PCNT: variants seen among roughly 807,000 people sequenced by gnomAD.
PCNT encodes pericentrin, also known as kendrin.
In PCNT, 319 loss-of-function variants were observed where a neutral mutation model predicts 380.4. The ratio of observed to expected loss-of-function variants is 0.84; its 90% CI spans 0.77 to 0.92. PCNT has a LOEUF of 0.92. PCNT is among the 40% of genes least tolerant of loss of function. The pLI is 0.00. For synonymous variants in PCNT, 1,845 were observed against 1,735.2 expected (o/e 1.06, Z -1.57); for missense variants, 4,400 against 4,255.3 (o/e 1.03, Z -0.95).
At chr21:46,333,477 T>C (rs62224209) in intron 2 of PCNT, among the ~76,000 whole-genome samples, 14 of 149,528 alleles carry the variant, frequency 9.4e-5, no homozygotes, top group Non-Finnish European at 1.9e-4. Flanking sequence ...CGTGGTGGCA[T>C]GCGCCTGTAG....
At chr21:46,378,640 C>T (rs368419196) in intron 15 of PCNT, among the ~76,000 whole-genome samples, 1 of 152,110 alleles carries the variant, frequency 6.6e-6, no homozygotes, top group Non-Finnish European at 1.5e-5. Context: ...ATTTTTCATA[C>T]GATATTTTCA....
chr21:46,400,085 T>C (rs556583350), intron 25 of PCNT, among the ~76,000 whole-genome samples: 2 of 152,368 alleles, frequency 1.3e-5, no homozygotes, highest in East Asian at 3.9e-4. Context: ...AAGTAAACAT[T>C]TAAGATTTTA....
In PCNT at chr21:46,389,334, G is replaced by A. The variant is rs2085953349; in HGVS notation, c.3743G>A (p.Ser1248Asn). Reference protein sequence around the residue: ...MRESFLMSPESVRECEQPIRR... With the variant: ...MRESFLMSPENVRECEQPIRR... ...GAAAGCTTTCTCATGAGCCCAGAAA[G>A]TGTGCGGGAGTGTGAGCAGCCCATC... The change falls in exon 19 of 47, where the codon AGT becomes AAT. Residue 1248 changes from serine (S) to asparagine (N), a missense_variant. Transcript: ENST00000359568. 1.2e-6 allele frequency: 2 copies of A among 1,614,144 alleles called. No individual in the cohort carries two copies. The highest frequency in any genetic ancestry group is 8.5e-7 in the Non-Finnish European group (1 of 1,180,052).
Position 46,353,990 on chromosome 21 carries a change from G to T in PCNT, c.1683G>T (p.Leu561Phe), listed in dbSNP as rs1293045625. 1.9e-6 allele frequency: 3 copies of T among 1,613,406 alleles called. No individual in the cohort carries two copies. The highest frequency in any genetic ancestry group is 1.1e-5 in the South Asian group (1 of 91,070). Residue 561 changes from leucine to phenylalanine, a missense_variant, in exon 11 of 47, where the codon TTG becomes TTT. Coordinates refer to ENST00000359568, the MANE Select transcript of PCNT (RefSeq NM_006031.6). ...DALLDSVEVG[L>F]SCVGLEEKPE... is the part of the protein sequence containing the mutation. The stretch of plus-strand genomic sequence containing the variant: ...TTATAAAATGTTTTCCCTTCAGGTT[G>T]TCCTGTGTGGGTTTAGAAGAGAAAC...
intron 15 of PCNT, among the ~76,000 whole-genome samples, chr21:46,368,575 C>T (rs1336572316): frequency 2.0e-5 from 3 of 152,260 alleles, no homozygotes; most frequent in African/African-American, 7.2e-5. Context: ...GTGCCTGTGA[C>T]TCAGGAAAGG....
At position 46,416,113 on chromosome 21, in the gene PCNT, T is replaced by G. The variant is rs148389745; in HGVS notation, c.6195T>G (p.Asp2065Glu). The G allele has an allele frequency of 3.3e-4, 537 of 1,614,158 alleles. No individual in the cohort carries two copies. The highest frequency in any genetic ancestry group is 4.3e-4 in the Non-Finnish European group (502 of 1,180,040). ...VLEDCQLPKVDLVAQVKQLQE... is the reference protein window; with the variant it reads ...VLEDCQLPKVELVAQVKQLQE... The stretch of plus-strand genomic sequence containing the variant: ...AAGATTGTCAGCTGCCGAAGGTCGA[T>G]CTCGTAGCTCAGGTGAAACAGCTTC... The change falls in exon 30 of 47, where the codon GAT becomes GAG. Residue 2065 changes from aspartate to glutamate, a missense_variant. Physicochemically the swap from Asp to Glu is conservative, Grantham distance 45. Transcript: ENST00000359568.
rs1164511409 is a variant in PCNT, at chr21:46,383,831, C to T, written c.3312+1991C>T. On this transcript the variant is annotated intron_variant, in intron 16 of 46. Transcript: ENST00000359568. ...ATTCACGGTGTTGTGCGTTCAGTGG[C>T]GGAAGCGCATTCACCATGTTGTATA... Among the ~76,000 whole-genome samples the T allele has an allele frequency of 2.5e-4, 35 of 142,768 alleles. 1 individual carries two copies. The highest frequency in any genetic ancestry group is 6.7e-4 in the African/African-American group (26 of 38,702). 93.7% of individuals were successfully genotyped at this position (142,768 alleles called of 152,430 possible). A position where few individuals can be genotyped will look rare whatever the true frequency, so the allele number is the denominator to read the frequency against.
At chr21:46,337,646 G>A (rs992715452) in intron 3 of PCNT, among the ~76,000 whole-genome samples, 23 of 152,130 alleles carry the variant, frequency 1.5e-4, no homozygotes, top group African/African-American at 3.9e-4. Context: ...GCAGTGGCGC[G>A]ATCTCGGCTC....
chr21:46,428,367 C>A (rs1255527509), intron 34 of PCNT, 28 bp from the exon 35 acceptor site: 1 of 1,604,636 alleles, frequency 6.2e-7, no homozygotes, highest in African/African-American at 1.3e-5. Flanking sequence ...GCCCAATGCT[C>A]AGGCTGCTTG....
rs1186064348 is a variant in PCNT, at chr21:46,334,775, T to C, written c.639+7T>C. 6.2e-7 allele frequency: 1 copy of C among 1,614,054 alleles called. No homozygotes were observed. The highest frequency in any genetic ancestry group is 1.1e-5 in the South Asian group (1 of 91,090). ...GCGTGGGATGTTCACAAAGGTATTCTTTAAGTTCTCTGTTAAGGTGTATTC... is the reference window on the plus strand; with the variant it reads ...GCGTGGGATGTTCACAAAGGTATTCCTTAAGTTCTCTGTTAAGGTGTATTC... On this transcript the variant is annotated splice_region_variant and intron_variant, in intron 3 of 46. Transcript: ENST00000359568.
intron 37 of PCNT, chr21:46,430,945 T>A: frequency 1.0e-6 from 1 of 985,114 alleles, no homozygotes; most frequent in Non-Finnish European, 1.2e-6. Context: ...GCCTCCTCGC[T>A]GGCATCCAGA....
At chr21:46,386,941 C>T (rs984020470) in intron 17 of PCNT, among the ~76,000 whole-genome samples, 23 of 152,152 alleles carry the variant, frequency 1.5e-4, no homozygotes, top group Non-Finnish European at 2.9e-5. Context: ...CCTGCTGCTG[C>T]TCCCATCTGT....
rs141456292 is a variant in PCNT at position 46,358,675 on chromosome 21, A to G, written c.2154+1484A>G. 6.2e-3 allele frequency among the ~76,000 whole-genome samples: 916 copies of G among 147,788 alleles called. 8 individuals carry two copies. Among genetic ancestry groups the G allele is most frequent in the Middle Eastern group, 0.022 (6 of 270 alleles). Reference sequence around the variant, plus strand: ...AGTCTTGCTCTGTCGCCCAGGCTGGAGCGTAGTGGCGCGATCTCAGCTCAC... The same window carrying G: ...AGTCTTGCTCTGTCGCCCAGGCTGGGGCGTAGTGGCGCGATCTCAGCTCAC... On this transcript the variant is annotated intron_variant, in intron 13 of 46. Coordinates refer to ENST00000359568, the MANE Select transcript of PCNT (RefSeq NM_006031.6).
At position 46,416,264 on chromosome 21, in the gene PCNT, G is replaced by A; in HGVS notation, c.6346G>A (p.Asp2116Asn). The A allele has an allele frequency of 6.2e-7, 1 of 1,614,164 alleles. No individual in the cohort carries two copies. Among genetic ancestry groups the A allele is most frequent in the Non-Finnish European group, 8.5e-7 (1 of 1,180,018 alleles). The change falls in exon 30 of 47, where the codon GAC (aspartate) becomes AAC (asparagine). Residue 2116 changes from aspartate (D) to asparagine (N), a missense_variant. Transcript: ENST00000359568. Reference protein sequence around the residue: ...LESSWSDDSCDGEEPDISPHI... With the variant: ...LESSWSDDSCNGEEPDISPHI... ...GAGCAGCTGGAGTGATGATTCCTGT[G>A]ACGGAGAAGAGCCTGACATATCACC...
rs1415348820 is a variant in PCNT, at chr21:46,428,462, T to G, written c.7562T>G (p.Ile2521Ser). ...GACCGGAGCAGCCTGCTGTCCGAGA[T>G]CCAGGCGCTGCGTGCCCAGCTGCGC... ...LPDRSSLLSE[I>S]QALRAQLRMT... The change falls in exon 35 of 47, where the codon ATC (isoleucine) becomes AGC (serine). Residue 2521 changes from isoleucine to serine, a missense_variant. Physicochemically the swap from Ile to Ser is moderately radical, Grantham distance 142. Transcript: ENST00000359568. The G allele has an allele frequency of 6.8e-6, 11 of 1,612,476 alleles. No individual in the cohort carries two copies. Among genetic ancestry groups the G allele is most frequent in the Non-Finnish European group, 8.5e-6 (10 of 1,179,880 alleles).
chr21:46,396,799 T>C (rs7279344), intron 21 of PCNT, among the ~76,000 whole-genome samples: 52,050 of 151,968 alleles, frequency 0.34, 10,479 homozygotes, highest in African/African-American at 0.56. Context: ...GACAGGGTTT[T>C]ACCATGATGG....
At chr21:46,335,342 T>C (rs2083700288) in intron 3 of PCNT, among the ~76,000 whole-genome samples, 1 of 152,204 alleles carries the variant, frequency 6.6e-6, no homozygotes, top group African/African-American at 2.4e-5. Context: ...TGTTTTTTGT[T>C]AGCATGTGGA....
chr21:46,400,527 T>C (rs1479079070), intron 25 of PCNT, among the ~76,000 whole-genome samples: 4 of 147,548 alleles, frequency 2.7e-5, no homozygotes, highest in African/African-American at 1.0e-4. Flanking sequence ...TTTTTTTTTT[T>C]TTTTTTTTTG....
At chr21:46,332,406 T>G (rs1476581517) in intron 2 of PCNT, among the ~76,000 whole-genome samples, 1 of 152,220 alleles carries the variant, frequency 6.6e-6, no homozygotes, top group Non-Finnish European at 1.5e-5. Context: ...TTTACAGAAG[T>G]AAGAATAAAG....
Sources: allele counts gnomAD v4.1 joint callset (sites outside exome capture counted in the v4.1 genomes callset), GRCh38; gene constraint gnomAD v4.1.1; transcripts MANE v1.5; gene names NCBI Gene and HGNC (gene_info 2026-07-23, HGNC 2026-07-21).